The following MACF1 variants were observed in gnomAD, a reference collection of about 807,000 sequenced individuals.
MACF1 encodes microtubule actin crosslinking factor 1, also known as microtubule-actin cross-linking factor 1.
Under a neutral mutation model 854.8 loss-of-function variants are expected in MACF1, and 193 were observed. The observed-to-expected ratio is 0.23, with a 90% confidence interval of 0.20 to 0.25. The LOEUF (loss-of-function observed/expected upper bound fraction) is 0.25. Among genes scored for constraint, MACF1 ranks in the 10% least tolerant of loss-of-function variants. MACF1 has a pLI of 1.00. For missense variants in MACF1, 7,722 were observed against 8,929.1 expected (o/e 0.86, Z 5.45); for synonymous variants, 3,185 against 3,226.7 (o/e 0.99, Z 0.44).
chr1:39,255,066 A>G (rs1430347763), intron 5 of MACF1, among the ~76,000 whole-genome samples: 2 of 152,010 alleles, frequency 1.3e-5, no homozygotes, highest in Non-Finnish European at 2.9e-5. Context: ...CTTATTATAG[A>G]TAAAGAAACT....
intron 71 of MACF1, 67 bp downstream of exon 71, chr1:39,438,075 C>A: frequency 1.4e-6 from 2 of 1,386,058 alleles, no homozygotes; most frequent in Non-Finnish European, 2.0e-6. Flanking sequence ...TTATCTTCAG[C>A]ATCCCACCAG....
chr1:39,282,062 A>T, intron 6 of MACF1, 146 bp from the exon 7 acceptor site: 1 of 598,322 alleles, frequency 1.7e-6, no homozygotes, highest in Non-Finnish European at 2.8e-6. Flanking sequence ...GACTAGCAAG[A>T]GGGGGAATAT....
At chr1:39,169,053 TTTCTC>T (rs1247624604) in intron 2 of MACF1, among the ~76,000 whole-genome samples, 1 of 152,242 alleles carries the variant, frequency 6.6e-6, no homozygotes, top group Admixed American at 6.5e-5. Flanking sequence ...TGTTAACTCT[TTTCTC>T]TTCATCAACC....
chr1:39,331,121 A>C, intron 36 of MACF1, 82 bp from the exon 37 acceptor site: 1 of 1,432,810 alleles, frequency 7.0e-7, no homozygotes, highest in Non-Finnish European at 9.1e-7. Flanking sequence ...TCCTTTCAAT[A>C]GTTGTGCTTT....
In MACF1 at chr1:39,283,786, A is replaced by G. The variant is rs899504947; in HGVS notation, c.915+271A>G. Among the ~76,000 whole-genome samples the G allele has an allele frequency of 1.3e-5, 2 of 152,196 alleles. No individual in the cohort carries two copies. Among genetic ancestry groups the G allele is most frequent in the African/African-American group, 4.8e-5 (2 of 41,436 alleles). ...GTAATTCAAGATGAGGAAGTGTTTT[A>G]TCAGTCACTTATGTATCAGCTTGAT... On this transcript the variant is annotated intron_variant, in intron 9 of 100. Transcript: ENST00000564288. The surrounding 1 kb of genome is among the most constrained non-coding windows in gnomAD (Gnocchi z 4.5).
At chr1:39,108,894 C>T (rs900722117) in intron 2 of MACF1, among the ~76,000 whole-genome samples, 4 of 152,184 alleles carry the variant, frequency 2.6e-5, no homozygotes, top group Admixed American at 1.3e-4. Flanking sequence ...TAACATCTAT[C>T]TGGTACTTAT....
intron 2 of MACF1, among the ~76,000 whole-genome samples, chr1:39,185,265 C>T (rs1016828893): frequency 1.9e-4 from 28 of 148,746 alleles, no homozygotes; most frequent in African/African-American, 7.1e-4. Flanking sequence ...GCACTCCAGC[C>T]TGGGCGACAG....
At position 39,334,742 on chromosome 1, in the gene MACF1, C is replaced by T. The variant is rs754142449; in HGVS notation, c.8154C>T (p.Val2718=). Reference sequence around the variant, plus strand: ...AGAAACTGGTGGATGAAAACATGGTCAGAATTATTGCATCTCATCAGGTGT... The same window carrying T: ...AGAAACTGGTGGATGAAAACATGGTTAGAATTATTGCATCTCATCAGGTGT... The part of the protein sequence containing the change: ...LEEKLVDENM[V]RIIASHQVLN... The change falls in exon 37 of 101, where the codon GTC becomes GTT. Residue 2718 remains valine (V), a synonymous_variant. Coordinates refer to ENST00000564288, the MANE Select transcript of MACF1 (RefSeq NM_001394062.1). The T allele has an allele frequency of 1.2e-6, 2 of 1,613,948 alleles. No individual in the cohort carries two copies. Among genetic ancestry groups the T allele is most frequent in the African/African-American group, 1.3e-5 (1 of 74,926 alleles).
rs567834622 is a variant in MACF1, at chr1:39,413,185, C to T, written c.15817-9189C>T. ...AGAGGAGGATGGTACACCAGAAGGG[C>T]CTGTCACCCCAGCTACCACAGTGCA... is the stretch of plus-strand genomic sequence containing the variant. On this transcript the variant is annotated intron_variant, in intron 58 of 100. Transcript: ENST00000564288. The T allele has an allele frequency of 9.9e-6, 16 of 1,613,472 alleles. No individual in the cohort carries two copies. The South Asian group carries it at 1.4e-4, about 14-fold the overall frequency.
At chr1:39,443,047 C>CT in intron 78 of MACF1, 136 bp downstream of exon 78, 1 of 828,512 alleles carries the variant, frequency 1.2e-6, no homozygotes, top group Non-Finnish European at 1.9e-6. Context: ...TGTGCTGTAA[C>CT]TTATCTAGAA....
chr1:39,283,127 G>A lies in MACF1; in HGVS notation c.696-62G>A. 9.5e-7 allele frequency: 1 copy of A among 1,047,888 alleles called. No individual in the cohort carries two copies. The highest frequency in any genetic ancestry group is 1.5e-6 in the Non-Finnish European group (1 of 679,416). The allele number at this position is 1,047,888 out of a possible 1,614,324, so 64.9% of individuals were successfully genotyped here. A position where few individuals can be genotyped will look rare whatever the true frequency, so the allele number is the denominator to read the frequency against. On this transcript the variant is annotated intron_variant, in intron 7 of 100. Coordinates refer to ENST00000564288, the MANE Select transcript of MACF1 (RefSeq NM_001394062.1). The surrounding 1 kb of genome is among the most constrained non-coding windows in gnomAD (Gnocchi z 4.5). ...TGGGAACTTTCAGGAGGTTTTCTTT[G>A]TGTAAACTCATGTGTGATGTGTAGA...
At chr1:39,467,324 C>T (rs560450899) in intron 95 of MACF1, among the ~76,000 whole-genome samples, 2 of 152,158 alleles carry the variant, frequency 1.3e-5, no homozygotes, top group East Asian at 1.9e-4. Context: ...AAGATCGCGC[C>T]ACTGCACTCC....
At position 39,301,259 on chromosome 1, in the gene MACF1, G is replaced by A. The variant is rs540929980; in HGVS notation, c.2634+897G>A. Among the ~76,000 whole-genome samples the A allele has an allele frequency of 4.2e-3, 594 of 142,708 alleles. 2 individuals carry two copies. The highest frequency in any genetic ancestry group is 0.015 in the African/African-American group (566 of 38,394). The allele number at this position is 142,708 out of a possible 152,430, so 93.6% of individuals were successfully genotyped here. A position where few individuals can be genotyped will look rare whatever the true frequency, so the allele number is the denominator to read the frequency against. On this transcript the variant is annotated intron_variant, in intron 22 of 100. Coordinates refer to ENST00000564288, the MANE Select transcript of MACF1 (RefSeq NM_001394062.1). Reference sequence around the variant, plus strand: ...CTCCTGCCTCAGCCTCCCAAGTAGCGGGGACTACATGTGCCCGCCACCATG... The same window carrying A: ...CTCCTGCCTCAGCCTCCCAAGTAGCAGGGACTACATGTGCCCGCCACCATG...
chr1:39,336,624 G>GT lies in MACF1; in HGVS notation c.10037dup (p.Asn3347LysfsTer21). On this transcript the variant is annotated frameshift_variant, in exon 37 of 101. Coordinates refer to ENST00000564288, the MANE Select transcript of MACF1 (RefSeq NM_001394062.1). LOFTEE classifies it high-confidence loss of function. ...ACCTGAAGGAAAGGGAAATGGAGGTGTAAACCCAGAGCCCTTCAGAGCAAC... is the reference window on the plus strand; with the variant it reads ...ACCTGAAGGAAAGGGAAATGGAGGTGTTAAACCCAGAGCCCTTCAGAGCAAC... 6.2e-7 allele frequency: 1 copy of GT among 1,612,642 alleles called. No homozygotes were observed. Among genetic ancestry groups the GT allele is most frequent in the African/African-American group, 1.3e-5 (1 of 74,874 alleles).
At chr1:39,434,968 G>T (rs1027922009) in intron 69 of MACF1, among the ~76,000 whole-genome samples, 1 of 152,178 alleles carries the variant, frequency 6.6e-6, no homozygotes, top group African/African-American at 2.4e-5. Context: ...TACTTAGTTA[G>T]GCACCAACTG....
At chr1:39,450,987 G>A in intron 84 of MACF1, 65 bp from the exon 85 acceptor site, 1 of 1,547,518 alleles carries the variant, frequency 6.5e-7, no homozygotes. Flanking sequence ...TTTCAGCGAG[G>A]CAGAATTGTG....
Position 39,380,318 on chromosome 1 carries a change from G to A in MACF1, c.13593G>A (p.Val4531=), listed in dbSNP as rs1650066301. ...AGGAAGCCCTGGCTGGATTACTGGT[G>A]ACATATCCCAACTCACAGGAAGCAG... is the stretch of plus-strand genomic sequence containing the variant. ...KVKEALAGLL[V]TYPNSQEAEN... The change falls in exon 55 of 101, where the codon GTG becomes GTA. Residue 4531 remains valine, a synonymous_variant. Transcript: ENST00000564288. 1 of 1,613,716 alleles carries A rather than the reference G, an allele frequency of 6.2e-7. No individual in the cohort carries two copies. The highest frequency in any genetic ancestry group is 8.5e-7 in the Non-Finnish European group (1 of 1,179,796).
At chr1:39,107,452 G>C (rs1418096122) in intron 2 of MACF1, among the ~76,000 whole-genome samples, 2 of 151,910 alleles carry the variant, frequency 1.3e-5, no homozygotes, top group African/African-American at 4.8e-5. Flanking sequence ...AGTTAAAAAT[G>C]GTTGCCCAAA....
In MACF1 at chr1:39,388,016, G is replaced by A; in HGVS notation, c.15174G>A (p.Val5058=). Residue 5058 remains valine, a synonymous_variant, in exon 58 of 101, where the codon GTG becomes GTA. Transcript: ENST00000564288. ...NLEKLRAQQE[V]LQALEPQVDY... ...AGAAGCTAAGAGCTCAACAGGAAGT[G>A]CTGCAGGCCCTAGAGCCTCAGGTAG... The A allele has an allele frequency of 1.2e-6, 2 of 1,614,168 alleles. No individual in the cohort carries two copies. The highest frequency in any genetic ancestry group is 8.5e-7 in the Non-Finnish European group (1 of 1,180,034).
Sources: gnomAD v4.1 joint callset for allele counts (sites outside exome capture counted in the v4.1 genomes callset) on GRCh38, gnomAD v4.1.1 for gene constraint, Gnocchi (gnomAD v3.1) non-coding constraint, MANE v1.5 for transcripts, NCBI Gene and HGNC (gene_info 2026-07-23, HGNC 2026-07-21) for gene names.